Variants in ZNF121 observed in about 807,000 individuals in gnomAD.
ZNF121 encodes zinc finger protein 121 (clone ZHC32).
Under a neutral mutation model 2.4 loss-of-function variants are expected in ZNF121, and 1 was observed. The observed-to-expected ratio is 0.41, with a 90% confidence interval of 0.15 to 1.94. The LOEUF (loss-of-function observed/expected upper bound fraction) is 1.94. ZNF121 is among the 30% of genes most tolerant of loss of function. The pLI is 0.30. For synonymous variants in ZNF121, 173 were observed against 158.6 expected (o/e 1.09, Z -0.68); for missense variants, 369 against 466.3 (o/e 0.79, Z 1.92).
At chr19:9,582,458 C>T (rs1200818131) in intron 1 of ZNF121, among the ~76,000 whole-genome samples, 2 of 152,104 alleles carry the variant, frequency 1.3e-5, no homozygotes, top group African/African-American at 4.8e-5. Flanking sequence ...CGCCCCTGCC[C>T]GCAAGAGAAC....
At position 9,561,634 on chromosome 19, in the gene ZNF121, C is replaced by G. The variant is rs1293381436; in HGVS notation, c.*4306G>C. 1 of 152,164 alleles carries G rather than the reference C, an allele frequency of 6.6e-6. No homozygotes were observed. The highest frequency in any genetic ancestry group is 1.5e-5 in the Non-Finnish European group (1 of 68,050). The allele number at this position is 152,164 out of a possible 1,614,324, so 9.4% of individuals were successfully genotyped here. On this transcript the variant is annotated 3_prime_UTR_variant, in exon 4 of 4. Coordinates refer to ENST00000320451, the MANE Select transcript of ZNF121 (RefSeq NM_001008727.5). ...GGGTGTGGTGGCTCACACCTGTAAT[C>G]CTGGCACTTTGGGAGGCTGAGGCAG...
chr19:9,567,715 G>A (rs2144807142), intron 3 of ZNF121: 1 of 285,184 alleles, frequency 3.5e-6, no homozygotes. Flanking sequence ...TCTAGGTGAT[G>A]GGAGACAGTG....
At chr19:9,573,195 C>A (rs2074186252) in intron 1 of ZNF121, among the ~76,000 whole-genome samples, 1 of 152,108 alleles carries the variant, frequency 6.6e-6, no homozygotes, top group African/African-American at 2.4e-5. Context: ...GTGACTGAAC[C>A]TAATGAAATG....
chr19:9,567,829 G>C (rs919111616), intron 3 of ZNF121: 2 of 343,792 alleles, frequency 5.8e-6, no homozygotes, highest in Non-Finnish European at 1.1e-5. Context: ...CTACTGACAG[G>C]TGGAGTATAT....
Position 9,580,067 on chromosome 19 carries a change from C to T in ZNF121, c.-160+4394G>A, listed in dbSNP as rs572518755. Among the ~76,000 whole-genome samples, 109 of 152,062 alleles carry T rather than the reference C, an allele frequency of 7.2e-4. 3 individuals carry two copies. In the South Asian group the frequency reaches 0.013, roughly 18 times the overall value. On this transcript the variant is annotated intron_variant, in intron 1 of 3. Transcript: ENST00000320451. ...CAGCACTTTGGGAGGCTGAGACGGG[C>T]GGATCACGACGTCAGGAGATTGAGA... is the stretch of plus-strand genomic sequence containing the variant.
chr19:9,578,043 A>C (rs564160652), intron 1 of ZNF121, among the ~76,000 whole-genome samples: 3 of 50,712 alleles, frequency 5.9e-5, no homozygotes, highest in African/African-American at 2.1e-4. Context: ...AAAAAAATAC[A>C]AAAAAAAAAA....
In ZNF121 at chr19:9,565,985, G is replaced by C; in HGVS notation, c.1128C>G (p.Ala376=). Residue 376 remains alanine (A), a synonymous_variant, in exon 4 of 4, where the codon GCC becomes GCG. Transcript: ENST00000320451. ...TAGTAAGTAAATAAAATCTATTGTA[G>C]GCTTTCCCACATTCGTTACATATAT... ...KPYICNECGK[A]YNRFYLLTKH... is the part of the protein sequence containing the mutation. 1 of 1,597,304 alleles carries C rather than the reference G, an allele frequency of 6.3e-7. No homozygotes were observed. The highest frequency in any genetic ancestry group is 8.5e-7 in the Non-Finnish European group (1 of 1,172,542).
intron 1 of ZNF121, among the ~76,000 whole-genome samples, chr19:9,571,598 ATC>A (rs921763322): frequency 2.6e-5 from 4 of 152,212 alleles, no homozygotes; most frequent in Non-Finnish European, 5.9e-5. Flanking sequence ...CCAACAATGT[ATC>A]TTCATAACAT....
At chr19:9,567,714 T>C (rs977154457) in intron 3 of ZNF121, 2 of 285,662 alleles carry the variant, frequency 7.0e-6, no homozygotes, top group Admixed American at 7.1e-5. Context: ...ATCTAGGTGA[T>C]GGGAGACAGT....
Position 9,565,943 on chromosome 19 carries a change from G to A in ZNF121, c.1170C>T (p.His390=). ...TCCTTACATTCAGAGTTTTTCTTCA[G>A]TGTGTTTTTAAATGTTTAGTAAGTA... ...FYLLTKHLKT[H] is the part of the protein sequence containing the mutation. Residue 390 remains histidine (H), a synonymous_variant, in exon 4 of 4, where the codon CAC becomes CAT. Coordinates refer to ENST00000320451, the MANE Select transcript of ZNF121 (RefSeq NM_001008727.5). 2 of 1,542,370 alleles carry A rather than the reference G, an allele frequency of 1.3e-6. No homozygotes were observed. The highest frequency in any genetic ancestry group is 1.7e-6 in the Non-Finnish European group (2 of 1,143,236).
rs544567465 is a variant in ZNF121, at chr19:9,561,495, A to G, written c.*4445T>C. On this transcript the variant is annotated 3_prime_UTR_variant, in exon 4 of 4. Transcript: ENST00000320451. ...ACCCCATAGATTAAGAATTTATGATACATGCTCCTACAAGTAAATGGGTAA... is the reference window on the plus strand; with the variant it reads ...ACCCCATAGATTAAGAATTTATGATGCATGCTCCTACAAGTAAATGGGTAA... 1 of 152,340 alleles carries G rather than the reference A, an allele frequency of 6.6e-6. No homozygotes were observed. The highest frequency in any genetic ancestry group is 2.1e-4 in the South Asian group (1 of 4,830). 9.4% of individuals were successfully genotyped at this position (152,340 alleles called of 1,614,324 possible). A position where few individuals can be genotyped will look rare whatever the true frequency, so the allele number is the denominator to read the frequency against.
intron 1 of ZNF121, among the ~76,000 whole-genome samples, chr19:9,577,270 C>T (rs141511352): frequency 6.6e-6 from 1 of 151,870 alleles, no homozygotes; most frequent in Non-Finnish European, 1.5e-5. Flanking sequence ...ATGGTGAAAT[C>T]CTGTCTCTAC....
intron 1 of ZNF121, among the ~76,000 whole-genome samples, chr19:9,581,394 G>A (rs1183004909): frequency 6.6e-6 from 1 of 152,032 alleles, no homozygotes; most frequent in Non-Finnish European, 1.5e-5. Context: ...TTTAGATAGG[G>A]TGGGCACGTA....
chr19:9,584,031 A>T (rs2074267846), intron 1 of ZNF121, among the ~76,000 whole-genome samples: 1 of 152,206 alleles, frequency 6.6e-6, no homozygotes, highest in Non-Finnish European at 1.5e-5. Context: ...AAGCAAAGAA[A>T]TGGAAGTCAG....
rs1165167826 is a variant in ZNF121 at position 9,565,566 on chromosome 19, G to A, written c.*374C>T. The A allele has an allele frequency of 6.6e-6, 1 of 151,734 alleles. No individual in the cohort carries two copies. The highest frequency in any genetic ancestry group is 1.5e-5 in the Non-Finnish European group (1 of 68,132). 9.4% of individuals were successfully genotyped at this position (151,734 alleles called of 1,614,324 possible). A position where few individuals can be genotyped will look rare whatever the true frequency, so the allele number is the denominator to read the frequency against. ...GCACCTGTAATCCAAGCTACTTGAAGGCTGAGGCAGAATCGCCTGAACCCA... is the reference window on the plus strand; with the variant it reads ...GCACCTGTAATCCAAGCTACTTGAAAGCTGAGGCAGAATCGCCTGAACCCA... On this transcript the variant is annotated 3_prime_UTR_variant, in exon 4 of 4. Transcript: ENST00000320451.
rs2074097342 is a variant in ZNF121 at position 9,560,827 on chromosome 19, A to G, written c.*5113T>C. The stretch of plus-strand genomic sequence containing the variant: ...GATGCTTTCTTCAGTTCCTTTGGAC[A>G]TGTACCTAGAAGTGGATTGCTGCTG... On this transcript the variant is annotated 3_prime_UTR_variant, in exon 4 of 4. Coordinates refer to ENST00000320451, the MANE Select transcript of ZNF121 (RefSeq NM_001008727.5). The G allele has an allele frequency of 6.6e-6, 1 of 152,264 alleles. No individual in the cohort carries two copies. The highest frequency in any genetic ancestry group is 2.4e-5 in the African/African-American group (1 of 41,476). The allele number at this position is 152,264 out of a possible 1,614,324, so 9.4% of individuals were successfully genotyped here.
Position 9,566,238 on chromosome 19 carries a change from G to T in ZNF121, c.875C>A (p.Ala292Glu), listed in dbSNP as rs1285731909. 6.2e-7 allele frequency: 1 copy of T among 1,613,962 alleles called. No homozygotes were observed. The highest frequency in any genetic ancestry group is 8.5e-7 in the Non-Finnish European group (1 of 1,180,028). ...KPYKCKECGKAFTVSSSLHNH... is the reference protein window; with the variant it reads ...KPYKCKECGKEFTVSSSLHNH... ...ATGTAAGCTTGAGGAAACAGTGAAT[G>T]CTTTCCCACACTCCTTACATTTATA... is the stretch of plus-strand genomic sequence containing the variant. Residue 292 changes from alanine to glutamate, a missense_variant, in exon 4 of 4, where the codon GCA becomes GAA. Coordinates refer to ENST00000320451, the MANE Select transcript of ZNF121 (RefSeq NM_001008727.5).
intron 1 of ZNF121, among the ~76,000 whole-genome samples, chr19:9,570,028 C>T (rs896766121): frequency 1.5e-4 from 22 of 151,636 alleles, no homozygotes; most frequent in African/African-American, 4.1e-4. Context: ...CCTCTGCCGC[C>T]GCCCACCCTA....
In ZNF121 at chr19:9,564,175, A is replaced by G. The variant is rs757341057; in HGVS notation, c.*1765T>C. ...GGATTCTCCATTCTAGATGCCATTA[A>G]CAACATTTATGATTCATGGAAGGAG... On this transcript the variant is annotated 3_prime_UTR_variant, in exon 4 of 4. Coordinates refer to ENST00000320451, the MANE Select transcript of ZNF121 (RefSeq NM_001008727.5). 1 of 152,198 alleles carries G rather than the reference A, an allele frequency of 6.6e-6. No individual in the cohort carries two copies. Among genetic ancestry groups the G allele is most frequent in the Non-Finnish European group, 1.5e-5 (1 of 68,048 alleles). 9.4% of individuals were successfully genotyped at this position (152,198 alleles called of 1,614,324 possible). A position where few individuals can be genotyped will look rare whatever the true frequency, so the allele number is the denominator to read the frequency against.
Sources: allele counts gnomAD v4.1 joint callset (sites outside exome capture counted in the v4.1 genomes callset), GRCh38; gene constraint gnomAD v4.1.1; transcripts MANE v1.5; gene names NCBI Gene and HGNC (gene_info 2026-07-23, HGNC 2026-07-21).